The following OPRM1 variants were observed in gnomAD, a reference collection of about 807,000 sequenced individuals.
OPRM1 encodes the protein mu-type opioid receptor.
Under a neutral mutation model 31.8 loss-of-function variants are expected in OPRM1, and 27 were observed. The ratio of observed to expected loss-of-function variants is 0.85; its 90% CI spans 0.63 to 1.17. The LOEUF is 1.17. Among genes scored for constraint, OPRM1 ranks in the 50% most tolerant of loss-of-function variants. The pLI is 0.00. For synonymous variants in OPRM1, 196 were observed against 189.9 expected (o/e 1.03, Z -0.26); for missense variants, 536 against 511.1 (o/e 1.05, Z -0.47).
chr6:154,222,383 A>G (rs1006935561), intron 3 of OPRM1, among the ~76,000 whole-genome samples: 2 of 152,336 alleles, frequency 1.3e-5, no homozygotes, highest in South Asian at 4.1e-4. Flanking sequence ...TTAAAAGAAA[A>G]CTACTCAATT....
At chr6:154,090,216 C>A in intron 2 of OPRM1, 38 bp downstream of exon 2, 1 of 1,373,694 alleles carries the variant, frequency 7.3e-7, no homozygotes, top group Non-Finnish European at 1.0e-6. Context: ...GGAGGGTTCA[C>A]AGCCTGATAT....
At chr6:154,049,283 C>CCAA (rs901342821) in intron 1 of OPRM1, among the ~76,000 whole-genome samples, 3 of 151,940 alleles carry the variant, frequency 2.0e-5, no homozygotes, top group Middle Eastern at 3.4e-3. Flanking sequence ...ACCACCACCA[C>CCAA]CAACAACAAC....
chr6:154,022,028 T>C (rs771491035), intron 1 of OPRM1, among the ~76,000 whole-genome samples: 12 of 152,244 alleles, frequency 7.9e-5, no homozygotes, highest in Middle Eastern at 3.2e-3. Flanking sequence ...AAAGGGTTGG[T>C]GAAAGGAGAC....
intron 1 of OPRM1, among the ~76,000 whole-genome samples, chr6:154,071,349 G>A (rs1050378040): frequency 1.3e-5 from 2 of 152,200 alleles, no homozygotes; most frequent in Non-Finnish European, 2.9e-5. Flanking sequence ...AGATTTCAGT[G>A]AGGCAGCAGC....
At chr6:154,246,721 T>C in exon 4 of OPRM1, 2 of 1,614,066 alleles carry the variant, frequency 1.2e-6, no homozygotes, top group South Asian at 2.2e-5. Flanking sequence ...ATGGCCCAGA[T>C]CTTTACACGA....
chr6:154,087,792 T>C (rs2128479773), intron 1 of OPRM1: 1 of 155,574 alleles, frequency 6.4e-6, no homozygotes, highest in Middle Eastern at 3.2e-3. Flanking sequence ...TGAGGTACTA[T>C]TACTAAATTA....
intron 3 of OPRM1, among the ~76,000 whole-genome samples, chr6:154,212,588 C>T (rs1479223640): frequency 6.6e-6 from 1 of 152,190 alleles, no homozygotes; most frequent in African/African-American, 2.4e-5. Flanking sequence ...TTTATCATAC[C>T]ACTGGGTTGC....
intron 3 of OPRM1, among the ~76,000 whole-genome samples, chr6:154,204,623 A>T (rs1777336409): frequency 6.6e-6 from 1 of 152,134 alleles, no homozygotes; most frequent in African/African-American, 2.4e-5. Context: ...CTGACCGAAG[A>T]TCTACTCATC....
Position 154,066,989 on chromosome 6 carries a change from TTTTA to T in OPRM1, c.291-22831_291-22828del, listed in dbSNP as rs549507297. On this transcript the variant is annotated intron_variant, in intron 1 of 3. Transcript: ENST00000330432. Reference sequence around the variant, plus strand: ...TGTCCATAGAACTCTCTTGTAAACATTTTATTTATGTACAAAAACTAGTAATATG... The same window carrying T: ...TGTCCATAGAACTCTCTTGTAAACATTTTATGTACAAAAACTAGTAATATG... Among the ~76,000 whole-genome samples the T allele has an allele frequency of 1.1e-4, 16 of 152,230 alleles. No individual in the cohort carries two copies. The South Asian group carries it at 3.1e-3, about 30-fold the overall frequency.
chr6:154,216,009 A>G (rs1325497894), intron 3 of OPRM1, among the ~76,000 whole-genome samples: 1 of 152,218 alleles, frequency 6.6e-6, no homozygotes, highest in African/African-American at 2.4e-5. Flanking sequence ...AAGCATTGTC[A>G]CCTTTTGTTG....
chr6:154,221,986 TAAC>T (rs1385306867), intron 3 of OPRM1, among the ~76,000 whole-genome samples: 1 of 152,238 alleles, frequency 6.6e-6, no homozygotes, highest in Non-Finnish European at 1.5e-5. Flanking sequence ...GTGATAGAAA[TAAC>T]ACTTCAAAAT....
At chr6:154,038,832 C>T (rs540468744), upstream of OPRM1, among the ~76,000 whole-genome samples, 3 of 152,232 alleles carry the variant, frequency 2.0e-5, no homozygotes, top group Non-Finnish European at 4.4e-5. Flanking sequence ...AATAAAGGAT[C>T]GCTGTTGTTC....
intron 1 of OPRM1, chr6:154,073,484 C>G (rs761753887): frequency 6.6e-6 from 1 of 152,190 alleles, no homozygotes; most frequent in African/African-American, 2.4e-5. Context: ...AGTGTGTAAA[C>G]TCAGGAGCTA....
intron 3 of OPRM1, among the ~76,000 whole-genome samples, chr6:154,161,413 G>A (rs1799009919): frequency 6.6e-6 from 1 of 151,980 alleles, no homozygotes; most frequent in South Asian, 2.1e-4. Flanking sequence ...GTTTCGCCAT[G>A]TTGACCAAGC....
At chr6:154,041,827 T>G (rs993115718) in intron 1 of OPRM1, among the ~76,000 whole-genome samples, 1 of 152,186 alleles carries the variant, frequency 6.6e-6, no homozygotes, top group Non-Finnish European at 1.5e-5. Context: ...ACATAATATT[T>G]TATTCCCTTT....
chr6:154,040,367 C>G (rs946372842), intron 1 of OPRM1, among the ~76,000 whole-genome samples: 2 of 152,140 alleles, frequency 1.3e-5, no homozygotes, highest in Non-Finnish European at 2.9e-5. Flanking sequence ...TAGTACTTCC[C>G]TGTACCACAA....
chr6:154,180,995 C>T (rs1420703925), intron 3 of OPRM1, among the ~76,000 whole-genome samples: 2 of 152,066 alleles, frequency 1.3e-5, no homozygotes, highest in African/African-American at 4.8e-5. Flanking sequence ...ACTATATAGT[C>T]ATTTGGGTAT....
upstream of OPRM1, among the ~76,000 whole-genome samples, chr6:154,036,516 A>T (rs1454123854): frequency 3.9e-5 from 6 of 151,992 alleles, no homozygotes; most frequent in East Asian, 1.2e-3. Context: ...ATAAAAAAAC[A>T]ACTGTTTCTA....
rs985929032 is a variant in OPRM1, at chr6:154,089,854, A to C, written c.319A>C (p.Ile107Leu). Residue 107 changes from isoleucine to leucine, a missense_variant, in exon 2 of 4, where the codon ATC becomes CTC. Transcript: ENST00000330432. The stretch of plus-strand genomic sequence containing the variant: ...CACCAAGATGAAGACTGCCACCAAC[A>C]TCTACATTTTCAACCTTGCTCTGGC... ...RYTKMKTATN[I>L]YIFNLALADA... 7 of 1,613,718 alleles carry C rather than the reference A, an allele frequency of 4.3e-6. No homozygotes were observed. The highest frequency in any genetic ancestry group is 5.9e-6 in the Non-Finnish European group (7 of 1,179,804).
Sources: gnomAD v4.1 joint callset for allele counts (sites outside exome capture counted in the v4.1 genomes callset) on GRCh38, gnomAD v4.1.1 for gene constraint, MANE v1.5 for transcripts, NCBI Gene and HGNC (gene_info 2026-07-23, HGNC 2026-07-21) for gene names.